Variants in PTPRD observed in about 807,000 individuals in gnomAD.
The protein encoded by PTPRD is receptor-type tyrosine-protein phosphatase delta.
In PTPRD, 34 loss-of-function variants were observed where a neutral mutation model predicts 214.5. That is an observed-to-expected ratio of 0.16 (90% CI 0.12 to 0.21). The LOEUF (loss-of-function observed/expected upper bound fraction) is 0.21, where lower values mean the gene tolerates loss of function less well. PTPRD is among the 10% of genes least tolerant of loss of function. The pLI, the probability that PTPRD is intolerant of heterozygous loss-of-function variation, is 1.00. For missense variants in PTPRD, 2,545 were observed against 2,398.7 expected, an observed-to-expected ratio of 1.06 and a Z score of -1.27; for synonymous variants, 1,128 against 845.7, an observed-to-expected ratio of 1.33 and a Z score of -5.79.
chr9:9,756,889 T>G (rs1282584074), intron 6 of PTPRD, among the ~76,000 whole-genome samples: 1 of 152,218 alleles, frequency 6.6e-6, no homozygotes. Flanking sequence ...GCAGAAGTTT[T>G]CAATGTCTTT....
chr9:9,880,826 T>C (rs1049301052), intron 5 of PTPRD, among the ~76,000 whole-genome samples: 2 of 152,210 alleles, frequency 1.3e-5, no homozygotes, highest in African/African-American at 4.8e-5. Context: ...AGACTGATGC[T>C]GCTTTGACCT....
At chr9:8,934,392 T>C (rs2098974568) in intron 11 of PTPRD, among the ~76,000 whole-genome samples, 1 of 41,556 alleles carries the variant, frequency 2.4e-5, no homozygotes, top group African/African-American at 1.8e-4. Context: ...AAATACTAAT[T>C]ATGTGTGTGT....
Position 9,979,591 on chromosome 9 carries a change from T to C in PTPRD, c.-471-40981A>G, listed in dbSNP as rs113502468. 5.3e-5 allele frequency among the ~76,000 whole-genome samples: 8 copies of C among 152,218 alleles called. 1 individual carries two copies. Among genetic ancestry groups the C allele is most frequent in the African/African-American group, 1.9e-4 (8 of 41,548 alleles). On this transcript the variant is annotated intron_variant, in intron 4 of 45. Coordinates refer to ENST00000381196, the MANE Select transcript of PTPRD (RefSeq NM_002839.4). Reference sequence around the variant, plus strand: ...TTGTAACATATAAGTAGAACAATGATCTCAATTGGAAGATTCAAAGCAATC... The same window carrying C: ...TTGTAACATATAAGTAGAACAATGACCTCAATTGGAAGATTCAAAGCAATC...
intron 10 of PTPRD, among the ~76,000 whole-genome samples, chr9:9,156,488 A>T (rs936716749): frequency 6.6e-6 from 1 of 151,690 alleles, no homozygotes; most frequent in African/African-American, 2.4e-5. Context: ...ATTAAAAAGC[A>T]CCTCAAACTT....
At chr9:10,276,385 C>T (rs1465459599) in intron 3 of PTPRD, among the ~76,000 whole-genome samples, 1 of 152,074 alleles carries the variant, frequency 6.6e-6, no homozygotes, top group East Asian at 1.9e-4. Flanking sequence ...CCAATTTGCT[C>T]ATTAAAAGAG....
intron 9 of PTPRD, among the ~76,000 whole-genome samples, chr9:9,331,995 A>T (rs1312784484): frequency 6.6e-6 from 1 of 152,002 alleles, no homozygotes; most frequent in Non-Finnish European, 1.5e-5. Flanking sequence ...TATCAATGGG[A>T]GGAATAAAAG....
intron 10 of PTPRD, among the ~76,000 whole-genome samples, chr9:9,149,792 A>C (rs1275145952): frequency 2.0e-5 from 3 of 152,176 alleles, no homozygotes. Flanking sequence ...GGTGACAGGC[A>C]TTTGGATGCT....
At chr9:9,853,457 A>G (rs1473068837) in intron 5 of PTPRD, among the ~76,000 whole-genome samples, 2 of 152,210 alleles carry the variant, frequency 1.3e-5, no homozygotes, top group Admixed American at 6.5e-5. Context: ...ATAGTTTGCT[A>G]ATGCCTAGCT....
chr9:8,655,443 G>T (rs1049845705), intron 12 of PTPRD, among the ~76,000 whole-genome samples: 1 of 152,124 alleles, frequency 6.6e-6, no homozygotes, highest in South Asian at 2.1e-4. Context: ...ATTCACAGTG[G>T]TCCTTCACCC....
chr9:8,668,590 A>G (rs1011599810), intron 12 of PTPRD, among the ~76,000 whole-genome samples: 6 of 152,224 alleles, frequency 3.9e-5, no homozygotes, highest in African/African-American at 1.4e-4. Context: ...TAGACGATTT[A>G]CTTGTTTAAA....
chr9:9,479,773 C>G (rs2095320862), intron 8 of PTPRD, among the ~76,000 whole-genome samples: 3 of 151,604 alleles, frequency 2.0e-5, no homozygotes, highest in African/African-American at 7.3e-5. Flanking sequence ...CTCTTAAATT[C>G]CCCTATTTGT....
intron 44 of PTPRD, among the ~76,000 whole-genome samples, chr9:8,320,423 T>G (rs990035753): frequency 2.6e-5 from 4 of 152,136 alleles, no homozygotes; most frequent in African/African-American, 9.7e-5. Context: ...AAAATACATA[T>G]GCGATGCCCA....
At chr9:9,567,546 C>T (rs376518369) in intron 8 of PTPRD, among the ~76,000 whole-genome samples, 4 of 152,070 alleles carry the variant, frequency 2.6e-5, no homozygotes, top group African/African-American at 9.6e-5. Flanking sequence ...GGACTTCATT[C>T]TAAAGTAAAC....
At chr9:8,870,141 A>C (rs1408197920) in intron 11 of PTPRD, among the ~76,000 whole-genome samples, 1 of 149,750 alleles carries the variant, frequency 6.7e-6, no homozygotes, top group Non-Finnish European at 1.5e-5. Context: ...AAAAAAAAAA[A>C]AGGTTTAAAC....
At chr9:9,145,920 C>T (rs1162448516) in intron 10 of PTPRD, among the ~76,000 whole-genome samples, 1 of 152,202 alleles carries the variant, frequency 6.6e-6, no homozygotes, top group Non-Finnish European at 1.5e-5. Context: ...TATCATCAAC[C>T]AATGCAGCCC....
At chr9:10,105,654 T>G (rs1279870246) in intron 3 of PTPRD, among the ~76,000 whole-genome samples, 1 of 151,918 alleles carries the variant, frequency 6.6e-6, no homozygotes, top group Non-Finnish European at 1.5e-5. Context: ...TTTACTATTT[T>G]CTAAAAATCC....
intron 11 of PTPRD, among the ~76,000 whole-genome samples, chr9:8,843,709 A>G (rs985964414): frequency 1.3e-4 from 20 of 152,172 alleles, no homozygotes; most frequent in African/African-American, 4.8e-4. Flanking sequence ...AAATGTCACT[A>G]GAATCCTCAT....
chr9:9,056,499 A>G (rs889212875), intron 10 of PTPRD, among the ~76,000 whole-genome samples: 2 of 152,222 alleles, frequency 1.3e-5, no homozygotes, highest in East Asian at 3.9e-4. Context: ...AATGATTAGC[A>G]TGGTCATTCT....
intron 2 of PTPRD, among the ~76,000 whole-genome samples, chr9:10,437,804 A>G (rs888988079): frequency 1.3e-5 from 2 of 150,916 alleles, no homozygotes; most frequent in Non-Finnish European, 3.0e-5. Context: ...AATGCTATAT[A>G]TATCTGATAA....
Sources: allele counts gnomAD v4.1 joint callset (sites outside exome capture counted in the v4.1 genomes callset), GRCh38; gene constraint gnomAD v4.1.1; transcripts MANE v1.5; gene names NCBI Gene and HGNC (gene_info 2026-07-23, HGNC 2026-07-21).